Variants in PCF11 observed in about 807,000 individuals in gnomAD.
PCF11 encodes pre-mRNA cleavage complex 2 protein Pcf11.
In PCF11, 19 loss-of-function variants were observed where a neutral mutation model predicts 166.1. The ratio of observed to expected loss-of-function variants is 0.11; its 90% CI spans 0.08 to 0.17. The LOEUF (loss-of-function observed/expected upper bound fraction) is 0.17, where lower values mean the gene tolerates loss of function less well. Ranked by LOEUF, PCF11 falls within the 10% of genes least tolerant of loss-of-function variation. The pLI, the probability that PCF11 is intolerant of heterozygous loss-of-function variation, is 1.00. For missense variants in PCF11, 1,565 were observed against 1,855.5 expected, an observed-to-expected ratio of 0.84 and a Z score of 2.88; for synonymous variants, 663 against 644.1, an observed-to-expected ratio of 1.03 and a Z score of -0.44.
intron 1 of PCF11, 142 bp from the exon 2 acceptor site, chr11:83,161,185 A>G (rs1860238868): frequency 1.6e-6 from 1 of 622,118 alleles, no homozygotes; most frequent in Non-Finnish European, 2.6e-6. Context: ...TTGATTGAAC[A>G]CTTAAGTTTC....
At chr11:83,162,568 T>G (rs1330460518) in intron 2 of PCF11, among the ~76,000 whole-genome samples, 3 of 152,336 alleles carry the variant, frequency 2.0e-5, no homozygotes, top group Non-Finnish European at 2.9e-5. Flanking sequence ...TTTCAGTATG[T>G]TCAAATTCAC....
chr11:83,179,060 C>G (rs1860990516), intron 11 of PCF11, among the ~76,000 whole-genome samples: 1 of 151,634 alleles, frequency 6.6e-6, no homozygotes, highest in Non-Finnish European at 1.5e-5. Context: ...GAGTTTTTCA[C>G]TCTTAAAATC....
chr11:83,167,742 C>T lies in PCF11; in HGVS notation c.2092+237C>T. 6.8e-7 allele frequency: 1 copy of T among 1,463,386 alleles called. No homozygotes were observed. The highest frequency in any genetic ancestry group is 9.1e-7 in the Non-Finnish European group (1 of 1,101,850). 90.7% of individuals were successfully genotyped at this position (1,463,386 alleles called of 1,614,324 possible). A position where few individuals can be genotyped will look rare whatever the true frequency, so the allele number is the denominator to read the frequency against. Reference sequence around the variant, plus strand: ...AGAATGTGAGCCATCCAAAAGTAAACATGCAAGTAGGAATAGTGGAGCACA... The same window carrying T: ...AGAATGTGAGCCATCCAAAAGTAAATATGCAAGTAGGAATAGTGGAGCACA... On this transcript the variant is annotated intron_variant, in intron 7 of 15. Transcript: ENST00000298281. The surrounding 1 kb of genome is among the most constrained non-coding windows in gnomAD (Gnocchi z 4.2).
intron 2 of PCF11, among the ~76,000 whole-genome samples, chr11:83,162,270 T>C (rs1264367839): frequency 2.0e-5 from 3 of 152,366 alleles, no homozygotes; most frequent in Non-Finnish European, 2.9e-5. Context: ...TATTATATTT[T>C]AGTAGATGAA....
chr11:83,158,367 G>C (rs1267287479), intron 1 of PCF11: 2 of 152,268 alleles, frequency 1.3e-5, no homozygotes, highest in African/African-American at 4.8e-5. Flanking sequence ...TATCCAACCT[G>C]TAGGTGGAGA....
intron 1 of PCF11, among the ~76,000 whole-genome samples, chr11:83,161,052 T>C (rs903015131): frequency 5.9e-5 from 9 of 152,328 alleles, no homozygotes; most frequent in Admixed American, 4.6e-4. Flanking sequence ...CACAGGTCTT[T>C]TTACCACATG....
intron 14 of PCF11, among the ~76,000 whole-genome samples, 199 bp downstream of exon 14, chr11:83,182,690 G>A (rs184921374): frequency 1.2e-4 from 19 of 152,252 alleles, no homozygotes; most frequent in Admixed American, 1.2e-3. Flanking sequence ...CTTTACACAG[G>A]AGGTTGCACT....
chr11:83,166,136 T>C (rs1055264531), exon 5 of PCF11: 4 of 1,610,404 alleles, frequency 2.5e-6, no homozygotes, highest in Admixed American at 3.4e-5. Context: ...ATAAGACCGA[T>C]GGCAAAGATG....
exon 16 of PCF11, chr11:83,187,109 G>C (rs541498963): frequency 1.3e-5 from 2 of 152,122 alleles, no homozygotes; most frequent in African/African-American, 4.8e-5. Flanking sequence ...TCTCGGCTCA[G>C]TGCAGTGGCA....
Position 83,164,297 on chromosome 11 carries a change from C to G in PCF11, c.598C>G (p.Gln200Glu), listed in dbSNP as rs759286163. Residue 200 changes from glutamine (Q) to glutamate (E), a missense_variant, in exon 4 of 16, where the codon CAA (glutamine) becomes GAA (glutamate). Gln to Glu is a conservative substitution (Grantham distance 29). This residue lies in a region of PCF11 where 71 missense variants were observed against 62.9 expected (regional missense o/e 1.13). Coordinates refer to ENST00000298281, the Ensembl canonical transcript of PCF11. ...TCCTGATATACAAAAGAATCTTACA[C>G]AAGAACAACTAATAAGGCAGCAGTT... 8 of 1,613,420 alleles carry G rather than the reference C, an allele frequency of 5.0e-6. No individual in the cohort carries two copies. In the Admixed American group the frequency reaches 1.3e-4, roughly 27 times the overall value.
exon 16 of PCF11, chr11:83,185,600 GAT>G (rs952364768): frequency 4.0e-5 from 6 of 149,776 alleles, no homozygotes; most frequent in African/African-American, 1.5e-4. Flanking sequence ...TACTAAAGGT[GAT>G]TTTTTTTTTA....
chr11:83,175,255 T>C (rs142489992), intron 9 of PCF11, among the ~76,000 whole-genome samples: 18,718 of 152,024 alleles, frequency 0.12, 1,560 homozygotes, highest in African/African-American at 0.24. Context: ...GCCTCAGCCT[T>C]CTGAGTAGCT....
exon 8 of PCF11, chr11:83,169,931 A>C (rs996703522): frequency 6.2e-7 from 1 of 1,608,966 alleles, no homozygotes; most frequent in African/African-American, 1.3e-5. Context: ...CAGAGTTCTC[A>C]ATTTGGAAAC....
intron 8 of PCF11, among the ~76,000 whole-genome samples, 163 bp downstream of exon 8, chr11:83,170,158 G>T (rs938303518): frequency 6.6e-6 from 1 of 152,162 alleles, no homozygotes; most frequent in African/African-American, 2.4e-5. Context: ...ATCTTTTGGG[G>T]ATGAAATTTG....
intron 8 of PCF11, 139 bp downstream of exon 8, chr11:83,170,134 GA>G (rs1279534072): frequency 1.6e-6 from 1 of 640,776 alleles, no homozygotes; most frequent in Non-Finnish European, 2.4e-6. Flanking sequence ...ACATGCTAAG[GA>G]AGTGGGATGA....
chr11:83,177,838 T>G lies in PCF11; in HGVS notation c.3983+19T>G. On this transcript the variant is annotated intron_variant, in intron 11 of 15. Transcript: ENST00000298281. The stretch of plus-strand genomic sequence containing the variant: ...TGAAACAGTATGTAATCTAATTTTC[T>G]TTAAGATAAAGAGGCAGTGACTTTA... 7.9e-7 allele frequency: 1 copy of G among 1,273,724 alleles called. No homozygotes were observed. The highest frequency in any genetic ancestry group is 2.6e-5 in the East Asian group (1 of 38,612). The allele number at this position is 1,273,724 out of a possible 1,614,324, so 78.9% of individuals were successfully genotyped here. A position where few individuals can be genotyped will look rare whatever the true frequency, so the allele number is the denominator to read the frequency against.
At chr11:83,184,947 AGAAGGT>A (rs1438320020) in exon 16 of PCF11, 6 of 1,251,622 alleles carry the variant, frequency 4.8e-6, no homozygotes, top group African/African-American at 1.5e-5. Context: ...TGTTGGATCT[AGAAGGT>A]GAAGAATTTT....
At chr11:83,181,964 A>G in exon 13 of PCF11, 2 of 1,613,054 alleles carry the variant, frequency 1.2e-6, no homozygotes, top group African/African-American at 1.3e-5. Context: ...CTGCTAAAGA[A>G]AAAGAGTTCC....
rs1432420508 is a variant in PCF11, at chr11:83,167,532, A to G, written c.2092+27A>G. ...TAAACATAGATGCAATGTACGGGAT[A>G]GTCCTACAGAAGAAAATAAAGGTGG... On this transcript the variant is annotated intron_variant, in intron 7 of 15. Coordinates refer to ENST00000298281, the Ensembl canonical transcript of PCF11. The surrounding 1 kb of genome is among the most constrained non-coding windows in gnomAD (Gnocchi z 4.2). The G allele has an allele frequency of 6.2e-7, 1 of 1,604,602 alleles. No individual in the cohort carries two copies. Among genetic ancestry groups the G allele is most frequent in the Non-Finnish European group, 8.5e-7 (1 of 1,174,952 alleles).
Sources: gnomAD v4.1 joint callset for allele counts (sites outside exome capture counted in the v4.1 genomes callset) on GRCh38, gnomAD v4.1.1 for gene constraint, gnomAD v4.1.1 regional missense constraint, Gnocchi (gnomAD v3.1) non-coding constraint, MANE v1.5 for transcripts, NCBI Gene and HGNC (gene_info 2026-07-23, HGNC 2026-07-21) for gene names.